The following CEACAM5 variants were observed in gnomAD, a reference collection of about 807,000 sequenced individuals.
The protein encoded by CEACAM5 is cell adhesion molecule CEACAM5.
CEACAM5 carries 52 observed loss-of-function variants against 63.0 expected under a neutral mutation model. The observed-to-expected ratio is 0.83, with a 90% CI of 0.66 to 1.04. The LOEUF is 1.04. Ranked by LOEUF, CEACAM5 falls within the 50% of genes least tolerant of loss-of-function variation. The probability of loss-of-function intolerance (pLI) is 0.00; values close to 1 mark genes in which losing one functional copy is unlikely to be tolerated. For missense variants in CEACAM5, 790 were observed against 864.8 expected, an observed-to-expected ratio of 0.91 and a Z score of 1.08; for synonymous variants, 357 against 351.3, an observed-to-expected ratio of 1.02 and a Z score of -0.18.
At chr19:41,713,279 T>TG (rs1600457364) in intron 2 of CEACAM5, among the ~76,000 whole-genome samples, 2 of 151,470 alleles carry the variant, frequency 1.3e-5, no homozygotes, top group South Asian at 4.2e-4. Flanking sequence ...CACTCCAGCC[T>TG]GGCAACAGAG....
Position 41,720,948 on chromosome 19 carries a change from C to A in CEACAM5, c.1798C>A (p.Pro600Thr). The A allele has an allele frequency of 6.2e-7, 1 of 1,614,092 alleles. No homozygotes were observed. Among genetic ancestry groups the A allele is most frequent in the Non-Finnish European group, 8.5e-7 (1 of 1,180,008 alleles). The change falls in exon 8 of 10, where the codon CCC (proline) becomes ACC (threonine). Residue 600 changes from proline to threonine, a missense_variant. Pro to Thr is a conservative substitution (Grantham distance 38). Transcript: ENST00000221992. ...TGGGCCGGACACCCCCATCATTTCC[C>A]CCCCAGACTCGTCTTACCTTTCGGG... ...LYGPDTPIISPPDSSYLSGAN... is the reference protein window; with the variant it reads ...LYGPDTPIISTPDSSYLSGAN...
rs1441607923 is a variant in CEACAM5, at chr19:41,727,252, G to T, written c.2045G>T (p.Gly682Val). 1 of 1,613,942 alleles carries T rather than the reference G, an allele frequency of 6.2e-7. No individual in the cohort carries two copies. The highest frequency in any genetic ancestry group is 8.5e-7 in the Non-Finnish European group (1 of 1,179,846). The change falls in exon 9 of 10, where the codon GGT becomes GTT. Residue 682 changes from glycine to valine, a missense_variant. Physicochemically the swap from Gly to Val is moderately radical, Grantham distance 109 (BLOSUM62 -3). Transcript: ENST00000221992. Reference sequence around the variant, plus strand: ...GATTCAGCATCTGGAACTTCTCCTGGTCTCTCAGCTGGGGCCACTGTCGGC... The same window carrying T: ...GATTCAGCATCTGGAACTTCTCCTGTTCTCTCAGCTGGGGCCACTGTCGGC... ...ITVSASGTSP[G>V]LSAGATVGIM...
intron 2 of CEACAM5, among the ~76,000 whole-genome samples, chr19:41,710,958 G>C (rs1057247307): frequency 6.6e-6 from 1 of 152,214 alleles, no homozygotes; most frequent in Admixed American, 6.5e-5. Flanking sequence ...CAGGGAGACA[G>C]TCACTAACAA....
intron 2 of CEACAM5, among the ~76,000 whole-genome samples, chr19:41,714,573 C>T (rs73545183): frequency 0.065 from 9,845 of 152,174 alleles, 1,043 homozygotes; most frequent in African/African-American, 0.22. Flanking sequence ...AAAAATATAC[C>T]TAGGGAAACA....
chr19:41,717,392 T>C, intron 4 of CEACAM5, 63 bp from the exon 5 acceptor site: 1 of 1,551,060 alleles, frequency 6.4e-7, no homozygotes. Context: ...CTCTGATTGA[T>C]AGATGCCCGT....
At position 41,723,936 on chromosome 19, in the gene CEACAM5, G is replaced by A. The variant is rs552677192; in HGVS notation, c.2026+2760G>A. 2.8e-3 allele frequency among the ~76,000 whole-genome samples: 388 copies of A among 140,502 alleles called. 2 individuals are homozygous for A. Among genetic ancestry groups the A allele is most frequent in the African/African-American group, 9.7e-3 (360 of 37,234 alleles). 92.2% of individuals were successfully genotyped at this position (140,502 alleles called of 152,430 possible). On this transcript the variant is annotated intron_variant, in intron 8 of 9. Transcript: ENST00000221992. ...TGCACTCCAGCCAGGGTGACAGAGC[G>A]AGACTCTGTCAAAAAAAAAAAAAAA...
At chr19:41,726,301 G>A (rs1420496000) in intron 8 of CEACAM5, among the ~76,000 whole-genome samples, 1 of 152,152 alleles carries the variant, frequency 6.6e-6, no homozygotes, top group Non-Finnish European at 1.5e-5. Context: ...CTGTAAGATG[G>A]AAATCATGCC....
intron 3 of CEACAM5, 139 bp downstream of exon 3, chr19:41,715,388 C>T: frequency 7.3e-7 from 1 of 1,362,420 alleles, no homozygotes; most frequent in Non-Finnish European, 1.0e-6. Flanking sequence ...ACTTTCTGCC[C>T]CAGAAAAACC....
intron 2 of CEACAM5, among the ~76,000 whole-genome samples, chr19:41,710,323 G>T (rs536612727): frequency 6.6e-6 from 1 of 152,090 alleles, no homozygotes; most frequent in East Asian, 1.9e-4. Flanking sequence ...TGCCCTCCCC[G>T]TAAACCTGAC....
At chr19:41,723,215 A>G (rs2072653024) in intron 8 of CEACAM5, among the ~76,000 whole-genome samples, 2 of 152,024 alleles carry the variant, frequency 1.3e-5, no homozygotes, top group South Asian at 2.1e-4. Context: ...TCCGGCCCCA[A>G]ATGTTAATTA....
Position 41,727,289 on chromosome 19 carries a change from A to C in CEACAM5, c.2082A>C (p.Gly694=). 1 of 1,613,818 alleles carries C rather than the reference A, an allele frequency of 6.2e-7. No homozygotes were observed. The highest frequency in any genetic ancestry group is 1.1e-5 in the South Asian group (1 of 91,060). ...SAGATVGIMI[G]VLVGVALI ...GGGCCACTGTCGGCATCATGATTGGAGTGCTGGTTGGGGTTGCTCTGATAT... is the reference window on the plus strand; with the variant it reads ...GGGCCACTGTCGGCATCATGATTGGCGTGCTGGTTGGGGTTGCTCTGATAT... The change falls in exon 9 of 10, where the codon GGA becomes GGC. Residue 694 remains glycine (G), a synonymous_variant. Coordinates refer to ENST00000221992, the MANE Select transcript of CEACAM5 (RefSeq NM_004363.6).
In CEACAM5 at chr19:41,718,838, AGCTCAGACTCTGCTCCCG is replaced by A. The variant is rs1244770289; in HGVS notation, c.1492+461_1492+478del. Among the ~76,000 whole-genome samples, 3 of 152,260 alleles carry A rather than the reference AGCTCAGACTCTGCTCCCG, an allele frequency of 2.0e-5. No homozygotes were observed. In the East Asian group the frequency reaches 5.8e-4, roughly 29 times the overall value. On this transcript the variant is annotated intron_variant, in intron 6 of 9. Transcript: ENST00000221992. Reference sequence around the variant, plus strand: ...GATGCCCCTTGGATGAGGGAGGAGCAGCTCAGACTCTGCTCCCGGCTCCGCTCCGGGCTCCCCCAGTGA... The same window carrying A: ...GATGCCCCTTGGATGAGGGAGGAGCAGCTCCGCTCCGGGCTCCCCCAGTGA...
At chr19:41,720,292 G>A in intron 7 of CEACAM5, 84 bp downstream of exon 7, 1 of 1,487,820 alleles carries the variant, frequency 6.7e-7, no homozygotes, top group African/African-American at 1.4e-5. Flanking sequence ...TTCTCCTCAG[G>A]TCCAAAGAGG....
Position 41,709,913 on chromosome 19 carries a change from A to G in CEACAM5, c.298A>G (p.Ile100Val), listed in dbSNP as rs1490294094. The change falls in exon 2 of 10, where the codon ATA becomes GTA. Residue 100 changes from isoleucine to valine, a missense_variant. Transcript: ENST00000221992. ...TPGPAYSGRE[I>V]IYPNASLLIQ... Reference sequence around the variant, plus strand: ...AGGGCCCGCATACAGTGGTCGAGAGATAATATACCCCAATGCATCCCTGCT... The same window carrying G: ...AGGGCCCGCATACAGTGGTCGAGAGGTAATATACCCCAATGCATCCCTGCT... 6.2e-7 allele frequency: 1 copy of G among 1,614,034 alleles called. No homozygotes were observed.
chr19:41,718,485 T>G, intron 6 of CEACAM5, 103 bp downstream of exon 6: 1 of 1,234,102 alleles, frequency 8.1e-7, no homozygotes, highest in Non-Finnish European at 1.2e-6. Flanking sequence ...ATGCATCCAA[T>G]GGGCACAAGC....
intron 2 of CEACAM5, among the ~76,000 whole-genome samples, chr19:41,710,470 C>T (rs1283122403): frequency 6.6e-6 from 1 of 152,150 alleles, no homozygotes; most frequent in African/African-American, 2.4e-5. Flanking sequence ...TTGTGGCCTC[C>T]TGGGCAAGGC....
chr19:41,720,366 C>A (rs2072599537), intron 7 of CEACAM5, among the ~76,000 whole-genome samples, 158 bp downstream of exon 7: 2 of 152,218 alleles, frequency 1.3e-5, no homozygotes, highest in African/African-American at 4.8e-5. Context: ...ATTTGGGCAA[C>A]CTCAGCCTGG....
intron 9 of CEACAM5, among the ~76,000 whole-genome samples, chr19:41,728,894 AG>A (rs1459646357): frequency 3.9e-5 from 6 of 152,194 alleles, no homozygotes; most frequent in African/African-American, 1.4e-4. Flanking sequence ...TTAGGAATCT[AG>A]TTGAGAAACA....
chr19:41,717,403 G>A (rs2072543284), intron 4 of CEACAM5, 52 bp from the exon 5 acceptor site: 3 of 1,570,544 alleles, frequency 1.9e-6, no homozygotes, highest in East Asian at 4.5e-5. Context: ...AGATGCCCGT[G>A]GAGGAATCAC....
Sources: allele counts gnomAD v4.1 joint callset (sites outside exome capture counted in the v4.1 genomes callset), GRCh38; gene constraint gnomAD v4.1.1; transcripts MANE v1.5; gene names NCBI Gene and HGNC (gene_info 2026-07-23, HGNC 2026-07-21).